OTOGL: variants seen among roughly 807,000 people sequenced by gnomAD.
The protein encoded by OTOGL is otogelin like, also known as otogelin-like protein.
A neutral mutation model predicts 318.5 loss-of-function variants in OTOGL; 285 were observed. The ratio of observed to expected loss-of-function variants is 0.89; its 90% CI spans 0.81 to 0.99. The LOEUF (loss-of-function observed/expected upper bound fraction) is 0.99, where lower values mean the gene tolerates loss of function less well. OTOGL is among the 50% of genes least tolerant of loss of function. The pLI is 0.00. For missense variants in OTOGL, 2,899 were observed against 2,845.6 expected, an observed-to-expected ratio of 1.02 and a Z score of -0.43; for synonymous variants, 987 against 936.5, an observed-to-expected ratio of 1.05 and a Z score of -0.99.
intron 1 of OTOGL, chr12:80,131,195 T>G (rs1871218965): frequency 6.6e-6 from 1 of 152,164 alleles, no homozygotes; most frequent in Admixed American, 6.6e-5. Flanking sequence ...CTACCCCCTG[T>G]CTTTGCATCC....
At chr12:80,193,661 A>G (rs759322675) in intron 1 of OTOGL, among the ~76,000 whole-genome samples, 1 of 152,214 alleles carries the variant, frequency 6.6e-6, no homozygotes, top group Middle Eastern at 3.2e-3. Context: ...AAAGTTTTCC[A>G]AGTGAGATTC....
chr12:80,305,154 G>A (rs929106952), intron 28 of OTOGL, among the ~76,000 whole-genome samples: 1 of 151,976 alleles, frequency 6.6e-6, no homozygotes, highest in Middle Eastern at 3.2e-3. Context: ...CCATATCCTT[G>A]TTTCTAACAA....
intron 28 of OTOGL, among the ~76,000 whole-genome samples, chr12:80,303,164 T>A (rs7311988): frequency 0.99 from 151,265 of 152,040 alleles, 75,251 homozygotes; most frequent in Middle Eastern, 1. Context: ...TATTATTATT[T>A]TTTTTTTTTG....
chr12:80,286,194 G>A lies in OTOGL; in HGVS notation c.2928+7028G>A, dbSNP rs188812383. Among the ~76,000 whole-genome samples the A allele has an allele frequency of 3.0e-3, 451 of 152,266 alleles. 6 individuals are homozygous for A. Among genetic ancestry groups the A allele is most frequent in the African/African-American group, 0.01 (422 of 41,554 alleles). ...TTAGATTTATTGATTTGTGTATGTTGAACCAGCTTTGCATCTCAGGGATGA... is the reference window on the plus strand; with the variant it reads ...TTAGATTTATTGATTTGTGTATGTTAAACCAGCTTTGCATCTCAGGGATGA... On this transcript the variant is annotated intron_variant, in intron 26 of 58. Coordinates refer to ENST00000547103, the MANE Select transcript of OTOGL (RefSeq NM_001378609.3).
chr12:80,148,807 T>C (rs574124213), intron 1 of OTOGL, among the ~76,000 whole-genome samples: 20 of 152,362 alleles, frequency 1.3e-4, no homozygotes, highest in South Asian at 1.0e-3. Flanking sequence ...ATTCATTTCA[T>C]CTTCTGTTGC....
chr12:80,358,921 T>A (rs1298169774), intron 52 of OTOGL, 21 bp downstream of exon 52: 1 of 1,442,742 alleles, frequency 6.9e-7, no homozygotes, highest in Non-Finnish European at 9.3e-7. Flanking sequence ...ATATTTTGAT[T>A]GACTTGTCAT....
intron 1 of OTOGL, among the ~76,000 whole-genome samples, chr12:80,138,249 A>G (rs1032944374): frequency 6.6e-6 from 1 of 152,140 alleles, no homozygotes; most frequent in Non-Finnish European, 1.5e-5. Flanking sequence ...AAGTATAATT[A>G]TACTTGGTAA....
At position 80,350,138 on chromosome 12, in the gene OTOGL, G is replaced by A. The variant is rs563302096; in HGVS notation, c.5266-2157G>A. ...ATCAACTTTTTTAGTTTTCACATGT[G>A]AGTGAGATCATGTAGTATTTGTTTT... On this transcript the variant is annotated intron_variant, in intron 44 of 58. Coordinates refer to ENST00000547103, the MANE Select transcript of OTOGL (RefSeq NM_001378609.3). Among the ~76,000 whole-genome samples, 4 of 152,234 alleles carry A rather than the reference G, an allele frequency of 2.6e-5. No individual in the cohort carries two copies. In the South Asian group the frequency reaches 8.3e-4, roughly 32 times the overall value.
chr12:80,302,909 C>A, intron 28 of OTOGL, 126 bp downstream of exon 28: 1 of 899,928 alleles, frequency 1.1e-6, no homozygotes, highest in Non-Finnish European at 1.5e-6. Flanking sequence ...GAATTACTAA[C>A]TCATACCCTT....
rs1399125331 is a variant in OTOGL, at chr12:80,209,517, A to G, written c.79+7A>G. Reference sequence around the variant, plus strand: ...CTGCTGTTTTCATTACAAGGTAAGAACTCAGATTAAATTTTTATGTTAATT... The same window carrying G: ...CTGCTGTTTTCATTACAAGGTAAGAGCTCAGATTAAATTTTTATGTTAATT... On this transcript the variant is annotated splice_region_variant and intron_variant, in intron 2 of 58. Coordinates refer to ENST00000547103, the MANE Select transcript of OTOGL (RefSeq NM_001378609.3). The G allele has an allele frequency of 3.5e-6, 5 of 1,435,658 alleles. No homozygotes were observed. The highest frequency in any genetic ancestry group is 4.7e-6 in the Non-Finnish European group (5 of 1,063,642). 88.9% of individuals were successfully genotyped at this position (1,435,658 alleles called of 1,614,324 possible). A position where few individuals can be genotyped will look rare whatever the true frequency, so the allele number is the denominator to read the frequency against.
At chr12:80,347,312 G>A (rs945669541) in intron 44 of OTOGL, among the ~76,000 whole-genome samples, 9 of 151,058 alleles carry the variant, frequency 6.0e-5, no homozygotes, top group Non-Finnish European at 8.9e-5. Flanking sequence ...CCCACCCCCC[G>A]ACGGGTTGTA....
chr12:80,354,915 C>T (rs1336754027), intron 46 of OTOGL, among the ~76,000 whole-genome samples: 1 of 151,884 alleles, frequency 6.6e-6, no homozygotes, highest in Non-Finnish European at 1.5e-5. Context: ...TAATATTTTG[C>T]CTGATTGCCT....
At chr12:80,145,391 G>A (rs930308163) in intron 1 of OTOGL, among the ~76,000 whole-genome samples, 1 of 151,884 alleles carries the variant, frequency 6.6e-6, no homozygotes, top group Non-Finnish European at 1.5e-5. Context: ...TATTTCTGAG[G>A]GCTCTGTTCT....
intron 44 of OTOGL, among the ~76,000 whole-genome samples, chr12:80,347,961 TG>T (rs1328387607): frequency 6.6e-6 from 1 of 152,214 alleles, no homozygotes; most frequent in Non-Finnish European, 1.5e-5. Flanking sequence ...CACTTTTTGA[TG>T]GGGTTGTTTG....
chr12:80,209,426 A>C lies in OTOGL; in HGVS notation c.-6A>C. The C allele has an allele frequency of 6.8e-7, 1 of 1,480,456 alleles. No homozygotes were observed. Among genetic ancestry groups the C allele is most frequent in the Non-Finnish European group, 9.0e-7 (1 of 1,112,356 alleles). The allele number at this position is 1,480,456 out of a possible 1,614,324, so 91.7% of individuals were successfully genotyped here. On this transcript the variant is annotated 5_prime_UTR_variant, in exon 2 of 59. Transcript: ENST00000547103. ...GTTACATTTCAGGGGGAAAGGCTAC[A>C]CTGAAATGAACATTGTAAGAAAACT...
intron 1 of OTOGL, among the ~76,000 whole-genome samples, chr12:80,115,522 G>T (rs1392210224): frequency 1.3e-5 from 2 of 152,072 alleles, no homozygotes; most frequent in African/African-American, 2.4e-5. Flanking sequence ...TAGGCATGGG[G>T]GTCAGGGACC....
chr12:80,306,960 C>A (rs1179971143), intron 29 of OTOGL, among the ~76,000 whole-genome samples: 5 of 148,518 alleles, frequency 3.4e-5, no homozygotes, highest in Non-Finnish European at 5.9e-5. Context: ...GCGGCCTTTC[C>A]GCAGTGTTTG....
chr12:80,148,918 C>T (rs561828389), intron 1 of OTOGL, among the ~76,000 whole-genome samples: 75 of 152,266 alleles, frequency 4.9e-4, no homozygotes, highest in African/African-American at 1.7e-3. Context: ...CTCCTTTAAG[C>T]ACTTCTCTGT....
At chr12:80,149,748 A>G (rs1299461952) in intron 1 of OTOGL, among the ~76,000 whole-genome samples, 1 of 152,238 alleles carries the variant, frequency 6.6e-6, no homozygotes, top group Admixed American at 6.5e-5. Flanking sequence ...CCTCCAAGCC[A>G]GGTGTGGGAT....
Sources: allele counts gnomAD v4.1 joint callset (sites outside exome capture counted in the v4.1 genomes callset), GRCh38; gene constraint gnomAD v4.1.1; transcripts MANE v1.5; gene names NCBI Gene and HGNC (gene_info 2026-07-23, HGNC 2026-07-21).